The following SCHIP1 variants were observed in gnomAD, a reference collection of about 807,000 sequenced individuals.
SCHIP1 encodes the protein schwannomin interacting protein 1, also known as schwannomin-interacting protein 1.
Under a neutral mutation model 29.7 loss-of-function variants are expected in SCHIP1, and 8 were observed. That is an observed-to-expected ratio of 0.27 (90% CI 0.16 to 0.49). SCHIP1 has a LOEUF of 0.49. Among genes scored for constraint, SCHIP1 ranks in the 20% least tolerant of loss-of-function variants. The pLI, the probability that SCHIP1 is intolerant of heterozygous loss-of-function variation, is 0.99. For synonymous variants in SCHIP1, 76 were observed against 94.9 expected (o/e 0.80, Z 1.16); for missense variants, 193 against 294.6 (o/e 0.66, Z 2.52).
At chr3:159,382,027 A>C in the SCHIP1 span, among the ~76,000 whole-genome samples, 1 of 152,042 alleles carries the variant, frequency 6.6e-6, no homozygotes, top group Non-Finnish European at 1.5e-5. Context: ...CCTAATAGTG[A>C]CACATATCAC....
chr3:159,414,319 C>G, the SCHIP1 span, among the ~76,000 whole-genome samples: 2 of 152,140 alleles, frequency 1.3e-5, no homozygotes, highest in Non-Finnish European at 2.9e-5. Context: ...CATGCATGAC[C>G]TCTAAGCCTC....
chr3:159,673,658 G>A, the SCHIP1 span, among the ~76,000 whole-genome samples: 1 of 152,166 alleles, frequency 6.6e-6, no homozygotes, highest in South Asian at 2.1e-4. Flanking sequence ...CCTGAAAGGA[G>A]GTCCCCATTT....
the SCHIP1 span, among the ~76,000 whole-genome samples, chr3:159,568,651 T>G: frequency 1.3e-5 from 2 of 152,150 alleles, no homozygotes; most frequent in Non-Finnish European, 2.9e-5. Context: ...TATTCCATGT[T>G]GTTTGAGAAA....
chr3:159,602,743 A>G, the SCHIP1 span, among the ~76,000 whole-genome samples: 1 of 151,940 alleles, frequency 6.6e-6, no homozygotes. Flanking sequence ...CAAACAAAAC[A>G]TCAGCCCAAG....
chr3:159,752,236 T>C, the SCHIP1 span, among the ~76,000 whole-genome samples: 73 of 152,288 alleles, frequency 4.8e-4, 1 homozygote, highest in African/African-American at 1.7e-3. Context: ...CCACCAATCT[T>C]GTGATTATTG....
chr3:159,438,339 G>T, the SCHIP1 span, among the ~76,000 whole-genome samples: 2 of 152,078 alleles, frequency 1.3e-5, no homozygotes, highest in Non-Finnish European at 2.9e-5. Context: ...ACATTTTCTA[G>T]AAGGACTAAG....
chr3:159,466,209 A>C, the SCHIP1 span, among the ~76,000 whole-genome samples: 1 of 152,174 alleles, frequency 6.6e-6, no homozygotes, highest in Admixed American at 6.6e-5. Context: ...GTAGTTGTTA[A>C]AAACATGAGA....
chr3:159,439,935 G>T, the SCHIP1 span, among the ~76,000 whole-genome samples: 1 of 152,142 alleles, frequency 6.6e-6, no homozygotes, highest in Non-Finnish European at 1.5e-5. Context: ...TTTTGCTTTT[G>T]TTGCAATTGC....
chr3:159,344,322 A>G, the SCHIP1 span, among the ~76,000 whole-genome samples: 1 of 40,988 alleles, frequency 2.4e-5, no homozygotes, highest in African/African-American at 7.6e-5. Flanking sequence ...ACTCCATCTC[A>G]AAAAAAAAAA....
At chr3:159,810,084 C>T in the SCHIP1 span, among the ~76,000 whole-genome samples, 7 of 152,194 alleles carry the variant, frequency 4.6e-5, no homozygotes, top group East Asian at 3.9e-4. Context: ...CTCGCACTGT[C>T]GCCCAGGCTG....
intron 1 of SCHIP1, chr3:159,846,058 C>T (rs144747643): frequency 2.0e-5 from 3 of 152,288 alleles, no homozygotes; most frequent in East Asian, 1.9e-4. Context: ...AAGAAAATAC[C>T]TCCATGCCTA....
chr3:159,344,321 C>CAA, the SCHIP1 span, among the ~76,000 whole-genome samples: 546 of 126,244 alleles, frequency 4.3e-3, 1 homozygote, highest in African/African-American at 0.011. Context: ...AACTCCATCT[C>CAA]AAAAAAAAAA....
the SCHIP1 span, among the ~76,000 whole-genome samples, chr3:159,816,955 A>T: frequency 6.6e-6 from 1 of 152,142 alleles, no homozygotes; most frequent in South Asian, 2.1e-4. Flanking sequence ...CCCCGGCTTG[A>T]TTAGAGCCCT....
the SCHIP1 span, among the ~76,000 whole-genome samples, chr3:159,549,219 C>A: frequency 1.3e-5 from 2 of 152,142 alleles, no homozygotes; most frequent in Admixed American, 1.3e-4. Flanking sequence ...CCCATTCAGG[C>A]ATTCTCCTTT....
chr3:159,801,612 T>C, the SCHIP1 span, among the ~76,000 whole-genome samples: 3 of 152,136 alleles, frequency 2.0e-5, no homozygotes, highest in Admixed American at 2.0e-4. Context: ...TTAAATTAAG[T>C]ACAAGTTTTG....
At chr3:159,718,710 C>A in the SCHIP1 span, among the ~76,000 whole-genome samples, 1 of 152,218 alleles carries the variant, frequency 6.6e-6, no homozygotes, top group East Asian at 1.9e-4. Context: ...GAATTACAAA[C>A]CACTGCTCAA....
the SCHIP1 span, chr3:159,274,990 A>G: frequency 1.0e-6 from 1 of 983,208 alleles, no homozygotes; most frequent in Non-Finnish European, 1.2e-6. Flanking sequence ...TTCCAAGTGA[A>G]TTACTGTTGC....
At chr3:159,616,860 C>T in the SCHIP1 span, among the ~76,000 whole-genome samples, 12 of 152,076 alleles carry the variant, frequency 7.9e-5, no homozygotes, top group Non-Finnish European at 1.3e-4. Flanking sequence ...CTGCATTGTC[C>T]AATATGGTGG....
At chr3:159,624,524 A>T in the SCHIP1 span, among the ~76,000 whole-genome samples, 534 of 152,260 alleles carry the variant, frequency 3.5e-3, 4 homozygotes, top group African/African-American at 0.012. Flanking sequence ...CCATGCAGAG[A>T]ACAAGAAGCT....
Sources: allele counts gnomAD v4.1 joint callset (sites outside exome capture counted in the v4.1 genomes callset), GRCh38; gene constraint gnomAD v4.1.1; transcripts MANE v1.5; gene names NCBI Gene and HGNC (gene_info 2026-07-23, HGNC 2026-07-21).